The following SMIM41 variants were observed in gnomAD, a reference collection of about 807,000 sequenced individuals.
The protein encoded by SMIM41 is small integral membrane protein 41.
intron 2 of SMIM41, among the ~76,000 whole-genome samples, chr12:52,105,238 G>GTATA (rs1259210221): frequency 1.2e-4 from 19 of 152,318 alleles, no homozygotes; most frequent in African/African-American, 4.6e-4. Flanking sequence ...AGTATAGAAA[G>GTATA]GGCAGCTGAG....
intron 2 of SMIM41, among the ~76,000 whole-genome samples, chr12:52,098,322 C>A (rs1940139872): frequency 6.6e-6 from 1 of 151,982 alleles, no homozygotes; most frequent in Admixed American, 6.6e-5. Context: ...GGTATTAATA[C>A]CATCCTCTCC....
Position 52,107,856 on chromosome 12 carries a change from C to T in SMIM41, c.*673C>T, listed in dbSNP as rs1403463712. On this transcript the variant is annotated 3_prime_UTR_variant, in exon 3 of 3. Transcript: ENST00000546390. ...TAATGACCTGCTTCAAGGAGGTGGA[C>T]ATTCCTAATTTCTTCTGTGACCTTT... 5 of 335,244 alleles carry T rather than the reference C, an allele frequency of 1.5e-5. No individual in the cohort carries two copies. The highest frequency in any genetic ancestry group is 1.1e-4 in the African/African-American group (5 of 46,154). 20.8% of individuals were successfully genotyped at this position (335,244 alleles called of 1,614,324 possible).
intron 2 of SMIM41, among the ~76,000 whole-genome samples, chr12:52,105,291 G>A (rs568076305): frequency 1.6e-4 from 24 of 152,222 alleles, no homozygotes; most frequent in Non-Finnish European, 3.2e-4. Flanking sequence ...AGGATCATTC[G>A]GGATGCATCT....
chr12:52,095,212 G>C (rs1044886345), intron 2 of SMIM41, among the ~76,000 whole-genome samples: 1 of 151,696 alleles, frequency 6.6e-6, no homozygotes, highest in African/African-American at 2.4e-5. Flanking sequence ...TCTCCCCACC[G>C]CTGGATATTA....
rs1191965254 is a variant in SMIM41, at chr12:52,081,194, C to T, written c.*120+1013C>T. Among the ~76,000 whole-genome samples the T allele has an allele frequency of 6.6e-6, 1 of 152,098 alleles. No individual in the cohort carries two copies. Among genetic ancestry groups the T allele is most frequent in the Non-Finnish European group, 1.5e-5 (1 of 67,986 alleles). ...TTCCTTCCCTCTGTTCAGCTTTGTA[C>T]CTAGGAGCCCTGGGGGTTTCTGTGG... is the stretch of plus-strand genomic sequence containing the variant. On this transcript the variant is annotated intron_variant, in intron 1 of 2. Coordinates refer to ENST00000546390, the MANE Select transcript of SMIM41 (RefSeq NM_001369216.1). The surrounding 1 kb of genome is among the most constrained non-coding windows in gnomAD (Gnocchi z 4.1).
chr12:52,097,482 G>A (rs1261100616), intron 2 of SMIM41, among the ~76,000 whole-genome samples: 1 of 152,020 alleles, frequency 6.6e-6, no homozygotes, highest in Non-Finnish European at 1.5e-5. Context: ...CCGCTGATGC[G>A]CAGAGTGATA....
chr12:52,088,676 C>T (rs1939932506), intron 2 of SMIM41, among the ~76,000 whole-genome samples: 1 of 152,222 alleles, frequency 6.6e-6, no homozygotes, highest in South Asian at 2.1e-4. Flanking sequence ...GTCCCTGTGT[C>T]CCTTGGGGCT....
chr12:52,090,834 TGGGGCAGC>T (rs1269866769), intron 2 of SMIM41, among the ~76,000 whole-genome samples: 5 of 152,024 alleles, frequency 3.3e-5, no homozygotes, highest in Non-Finnish European at 5.9e-5. Context: ...GGCCAGCGAG[TGGGGCAGC>T]TTCTTCTTGA....
chr12:52,103,396 C>T (rs937973500), intron 2 of SMIM41, among the ~76,000 whole-genome samples: 1 of 149,978 alleles, frequency 6.7e-6, no homozygotes, highest in Admixed American at 6.6e-5. Context: ...CAGACAGGCA[C>T]TTCTGACACA....
At chr12:52,094,144 A>AAAT (rs1940050363) in intron 2 of SMIM41, among the ~76,000 whole-genome samples, 1 of 145,876 alleles carries the variant, frequency 6.9e-6, no homozygotes, top group East Asian at 2.0e-4. Context: ...AAAAAAAAAA[A>AAAT]AGAAAAAGAA....
chr12:52,089,836 A>G (rs1185192745), intron 2 of SMIM41, among the ~76,000 whole-genome samples: 1 of 152,214 alleles, frequency 6.6e-6, no homozygotes, highest in Non-Finnish European at 1.5e-5. Flanking sequence ...ACCCCAGTTC[A>G]GTATGACCTC....
rs1261882407 is a variant in SMIM41 at position 52,081,250 on chromosome 12, C to T, written c.*120+1069C>T. 6.6e-6 allele frequency among the ~76,000 whole-genome samples: 1 copy of T among 152,110 alleles called. No individual in the cohort carries two copies. The highest frequency in any genetic ancestry group is 2.4e-5 in the African/African-American group (1 of 41,408). ...AGTGTTTGTCAGGGGTGACTTTGGC[C>T]TCTCTTGCCCCCCCTCCCCCGATTC... On this transcript the variant is annotated intron_variant, in intron 1 of 2. Transcript: ENST00000546390. The surrounding 1 kb of genome is among the most constrained non-coding windows in gnomAD (Gnocchi z 4.1).
intron 2 of SMIM41, among the ~76,000 whole-genome samples, chr12:52,098,314 T>C (rs10783490): frequency 0.26 from 39,128 of 150,366 alleles, 5,466 homozygotes; most frequent in East Asian, 0.56. Context: ...TCGATATTGG[T>C]ATTAATACCA....
chr12:52,085,688 T>TACAGTACC, intron 2 of SMIM41, among the ~76,000 whole-genome samples: 1 of 152,210 alleles, frequency 6.6e-6, no homozygotes, highest in Middle Eastern at 3.4e-3. Flanking sequence ...GAAACAGTAC[T>TACAGTACC]ACGCTGAGAG....
Position 52,081,427 on chromosome 12 carries a change from C to A in SMIM41, c.*120+1246C>A, listed in dbSNP as rs1939817907. Among the ~76,000 whole-genome samples, 1 of 152,070 alleles carries A rather than the reference C, an allele frequency of 6.6e-6. No homozygotes were observed. Among genetic ancestry groups the A allele is most frequent in the Admixed American group, 6.5e-5 (1 of 15,274 alleles). On this transcript the variant is annotated intron_variant, in intron 1 of 2. Coordinates refer to ENST00000546390, the MANE Select transcript of SMIM41 (RefSeq NM_001369216.1). This position sits in a 1 kb window ranked among gnomAD's most constrained non-coding sequence, Gnocchi z 4.1. ...GCTAACGACAACGTGTGATCCCTGCCCAGCAGCCCAGGATTTGGCACTAAT... is the reference window on the plus strand; with the variant it reads ...GCTAACGACAACGTGTGATCCCTGCACAGCAGCCCAGGATTTGGCACTAAT...
At chr12:52,092,947 C>A (rs777098297) in intron 2 of SMIM41, among the ~76,000 whole-genome samples, 8 of 152,072 alleles carry the variant, frequency 5.3e-5, no homozygotes, top group Non-Finnish European at 1.2e-4. Flanking sequence ...TTTGGTAGGT[C>A]GAGGCGGGCA....
At position 52,107,697 on chromosome 12, in the gene SMIM41, C is replaced by G; in HGVS notation, c.*514C>G. On this transcript the variant is annotated 3_prime_UTR_variant, in exon 3 of 3. Coordinates refer to ENST00000546390, the MANE Select transcript of SMIM41 (RefSeq NM_001369216.1). ...TGCTCCTGAGTGTGATGGCCTATGA[C>G]CGGTTTGTAGCCATCTGTCACCCTC... 1 of 501,808 alleles carries G rather than the reference C, an allele frequency of 2.0e-6. No homozygotes were observed. Among genetic ancestry groups the G allele is most frequent in the South Asian group, 1.6e-5 (1 of 63,922 alleles). 31.1% of individuals were successfully genotyped at this position (501,808 alleles called of 1,614,324 possible).
intron 2 of SMIM41, among the ~76,000 whole-genome samples, chr12:52,090,056 G>GTTGTTTGT (rs367626341): frequency 0.045 from 6,750 of 151,432 alleles, 495 homozygotes; most frequent in African/African-American, 0.15. Flanking sequence ...CCAAGAAGGT[G>GTTGTTTGT]TTGTTTGTTT....
intron 2 of SMIM41, among the ~76,000 whole-genome samples, chr12:52,106,079 A>G (rs1940333735): frequency 6.6e-6 from 1 of 152,250 alleles, no homozygotes; most frequent in Non-Finnish European, 1.5e-5. Context: ...ACTCCATACA[A>G]TTCAATGGAA....
Sources: allele counts gnomAD v4.1 joint callset (sites outside exome capture counted in the v4.1 genomes callset), GRCh38; gene constraint gnomAD v4.1.1; non-coding constraint Gnocchi (gnomAD v3.1); transcripts MANE v1.5; gene names NCBI Gene and HGNC (gene_info 2026-07-23, HGNC 2026-07-21).